The following PCDH7 variants were observed in gnomAD, a reference collection of about 807,000 sequenced individuals.
PCDH7 encodes protocadherin 7.
A neutral mutation model predicts 58.9 loss-of-function variants in PCDH7; 17 were observed. The observed-to-expected ratio is 0.29, with a 90% CI of 0.20 to 0.43. The LOEUF (loss-of-function observed/expected upper bound fraction) is 0.43. PCDH7 is among the 20% of genes least tolerant of loss of function. PCDH7 has a pLI of 1.00. For missense variants in PCDH7, 1,274 were observed against 1,441.0 expected (o/e 0.88, Z 1.88); for synonymous variants, 664 against 616.4 (o/e 1.08, Z -1.14).
chr4:30,765,225 G>C (rs1318571766), intron 1 of PCDH7, among the ~76,000 whole-genome samples: 1 of 137,220 alleles, frequency 7.3e-6, no homozygotes, highest in African/African-American at 2.7e-5. Context: ...AAACGACCTC[G>C]AAAGATTAAG....
chr4:31,143,382 G>T (rs76089654), downstream of PCDH7: 6,882 of 152,552 alleles, frequency 0.045, 196 homozygotes, highest in Middle Eastern at 0.099. Context: ...TCCCTCTAAA[G>T]GTACAGTCCT....
intron 3 of PCDH7, among the ~76,000 whole-genome samples, chr4:30,963,502 C>T (rs1028548501): frequency 2.0e-5 from 3 of 152,158 alleles, no homozygotes; most frequent in African/African-American, 7.2e-5. Flanking sequence ...GTATTCAATA[C>T]TACAGAATAC....
intron 1 of PCDH7, among the ~76,000 whole-genome samples, chr4:30,775,999 T>A (rs1476135177): frequency 6.6e-6 from 1 of 152,196 alleles, no homozygotes; most frequent in Non-Finnish European, 1.5e-5. Context: ...ACATAGAATG[T>A]TGGCAAGTAC....
At chr4:31,121,101 C>T (rs1047438879) in intron 3 of PCDH7, among the ~76,000 whole-genome samples, 3 of 152,120 alleles carry the variant, frequency 2.0e-5, no homozygotes, top group Non-Finnish European at 4.4e-5. Flanking sequence ...GTAATCAGTA[C>T]ATGTTCATTA....
At chr4:31,036,461 T>A (rs1755422701) in intron 3 of PCDH7, among the ~76,000 whole-genome samples, 1 of 152,124 alleles carries the variant, frequency 6.6e-6, no homozygotes, top group Admixed American at 6.5e-5. Flanking sequence ...GTGCTGGGAT[T>A]ATAAGTGCAA....
At position 31,041,816 on chromosome 4, in the gene PCDH7, C is replaced by G. The variant is rs917244744; in HGVS notation, c.*7+91601C>G. 7.9e-5 allele frequency among the ~76,000 whole-genome samples: 12 copies of G among 152,174 alleles called. No homozygotes were observed. The Middle Eastern group carries it at 0.01, about 129-fold the overall frequency. On this transcript the variant is annotated intron_variant, in intron 3 of 3. Transcript: ENST00000509759. ...TGGGCTATTTTTTAAAAAAATAATGCTGCTTTATAAAAGCAACTTTTACTA... is the reference window on the plus strand; with the variant it reads ...TGGGCTATTTTTTAAAAAAATAATGGTGCTTTATAAAAGCAACTTTTACTA...
Position 30,788,705 on chromosome 4 carries a change from C to A in PCDH7, c.70+64109C>A, listed in dbSNP as rs140809922. Among the ~76,000 whole-genome samples, 590 of 152,068 alleles carry A rather than the reference C, an allele frequency of 3.9e-3. 7 individuals are homozygous for A. The highest frequency in any genetic ancestry group is 0.013 in the African/African-American group (526 of 41,496). On this transcript the variant is annotated intron_variant, in intron 1 of 3. Coordinates refer to the PCDH7 transcript ENST00000509759. ...GTTTATCTTAGACACTTAAGATAAA[C>A]AGATTTGACTGAGTTAATTATGAGA... is the stretch of plus-strand genomic sequence containing the variant.
chr4:30,902,590 C>T (rs570155460), intron 1 of PCDH7, among the ~76,000 whole-genome samples: 6 of 151,768 alleles, frequency 4.0e-5, no homozygotes, highest in Non-Finnish European at 5.9e-5. Flanking sequence ...ATTATGGGTC[C>T]CAAAGTGTTA....
At chr4:30,875,840 A>G (rs1736218084) in intron 1 of PCDH7, among the ~76,000 whole-genome samples, 1 of 152,142 alleles carries the variant, frequency 6.6e-6, no homozygotes, top group African/African-American at 2.4e-5. Context: ...AGATTTATTA[A>G]GAAGTCCTGA....
chr4:30,898,143 T>A (rs1739690722), intron 1 of PCDH7, among the ~76,000 whole-genome samples: 1 of 152,178 alleles, frequency 6.6e-6, no homozygotes, highest in Non-Finnish European at 1.5e-5. Context: ...TCCATAAAAG[T>A]AGCCTCAGGG....
rs1190559482 is a variant in PCDH7, at chr4:30,886,979, G to T, written c.71-33174G>T. ...CACACTCTGGGGACTGTTGTGGAGT[G>T]GGGGGTGGGGGGAGGGGGGAGGGAT... On this transcript the variant is annotated intron_variant, in intron 1 of 3. Transcript: ENST00000509759. Among the ~76,000 whole-genome samples the T allele has an allele frequency of 3.6e-3, 446 of 124,188 alleles. 2 individuals are homozygous for T. Among genetic ancestry groups the T allele is most frequent in the Non-Finnish European group, 3.7e-3 (218 of 59,676 alleles). 81.5% of individuals were successfully genotyped at this position (124,188 alleles called of 152,430 possible).
At chr4:30,772,667 G>A (rs1376464982) in intron 1 of PCDH7, among the ~76,000 whole-genome samples, 1 of 152,102 alleles carries the variant, frequency 6.6e-6, no homozygotes, top group Non-Finnish European at 1.5e-5. Flanking sequence ...AGCAAGGCAG[G>A]GATTTTCTCA....
At chr4:31,067,769 T>A (rs2109247633) in intron 3 of PCDH7, among the ~76,000 whole-genome samples, 1 of 152,138 alleles carries the variant, frequency 6.6e-6, no homozygotes, top group East Asian at 1.9e-4. Flanking sequence ...TTCTTCCTTT[T>A]AGATCTGTGG....
At chr4:30,868,659 G>C (rs1735175037) in intron 1 of PCDH7, among the ~76,000 whole-genome samples, 1 of 151,960 alleles carries the variant, frequency 6.6e-6, no homozygotes, top group South Asian at 2.1e-4. Context: ...TGTGACTGAT[G>C]GAAGCCAGGA....
chr4:30,759,992 G>A (rs1251395889), intron 1 of PCDH7, among the ~76,000 whole-genome samples: 1 of 151,824 alleles, frequency 6.6e-6, no homozygotes, highest in Non-Finnish European at 1.5e-5. Context: ...TTTCAAAATA[G>A]TGGCACCTCC....
At chr4:31,090,167 A>G (rs866661805) in intron 3 of PCDH7, among the ~76,000 whole-genome samples, 1 of 152,056 alleles carries the variant, frequency 6.6e-6, no homozygotes, top group Non-Finnish European at 1.5e-5. Context: ...ACCTATGCCA[A>G]GTAGGCCTAA....
intron 3 of PCDH7, among the ~76,000 whole-genome samples, chr4:30,958,321 A>G (rs984793545): frequency 6.6e-6 from 1 of 152,006 alleles, no homozygotes; most frequent in African/African-American, 2.4e-5. Flanking sequence ...TATTTCGTGG[A>G]TATATGAGTG....
intron 3 of PCDH7, among the ~76,000 whole-genome samples, chr4:31,005,248 G>T (rs915555030): frequency 1.3e-5 from 2 of 152,158 alleles, no homozygotes; most frequent in Admixed American, 1.3e-4. Context: ...TAATGGGAAG[G>T]TTGGGAAGCT....
At chr4:31,032,656 G>GAGGACGGA (rs1755038286) in intron 3 of PCDH7, among the ~76,000 whole-genome samples, 1 of 92,250 alleles carries the variant, frequency 1.1e-5, no homozygotes, top group Admixed American at 1.2e-4. Flanking sequence ...GAGAGAGAGA[G>GAGGACGGA]AGGAAGGAAG....
Sources: gnomAD v4.1 joint callset for allele counts (sites outside exome capture counted in the v4.1 genomes callset) on GRCh38, gnomAD v4.1.1 for gene constraint, MANE v1.5 for transcripts, NCBI Gene and HGNC (gene_info 2026-07-23, HGNC 2026-07-21) for gene names.